Variants in SCTR observed in about 807,000 individuals in gnomAD.
SCTR encodes the protein secretin receptor.
A neutral mutation model predicts 60.8 loss-of-function variants in SCTR; 56 were observed. The observed-to-expected ratio is 0.92, with a 90% CI of 0.74 to 1.15. The LOEUF (loss-of-function observed/expected upper bound fraction) is 1.15, where lower values mean the gene tolerates loss of function less well. SCTR is among the 50% of genes most tolerant of loss of function. The pLI is 0.00. For missense variants in SCTR, 562 were observed against 550.4 expected (o/e 1.02, Z -0.21); for synonymous variants, 202 against 217.0 (o/e 0.93, Z 0.61).
chr2:119,503,547 A>G (rs750712108), intron 1 of SCTR, among the ~76,000 whole-genome samples: 6 of 152,180 alleles, frequency 3.9e-5, no homozygotes, highest in Non-Finnish European at 7.3e-5. Flanking sequence ...TCAATAAATT[A>G]CATACTATAT....
intron 11 of SCTR, among the ~76,000 whole-genome samples, chr2:119,443,615 C>T (rs553649146): frequency 3.3e-5 from 5 of 152,200 alleles, no homozygotes; most frequent in South Asian, 2.1e-4. Flanking sequence ...GGCGCGATCT[C>T]GGCTCACTGC....
Position 119,524,247 on chromosome 2 carries a change from G to A in SCTR, c.-21C>T, listed in dbSNP as rs1242385625. On this transcript the variant is annotated 5_prime_UTR_variant, in exon 1 of 13. Transcript: ENST00000019103. ...CGCATGGTGCCCGCACGTTCCCCGA[G>A]GGCGCCCCGACGTCCGCCTGCCCGT... The A allele has an allele frequency of 1.6e-5, 23 of 1,420,912 alleles. No individual in the cohort carries two copies. The highest frequency in any genetic ancestry group is 1.9e-5 in the Non-Finnish European group (21 of 1,085,864). The allele number at this position is 1,420,912 out of a possible 1,614,324, so 88.0% of individuals were successfully genotyped here.
In SCTR at chr2:119,464,116, A is replaced by G. The variant is rs750687226; in HGVS notation, c.636+7T>C. The G allele has an allele frequency of 1.3e-5, 21 of 1,613,928 alleles. No homozygotes were observed. The Admixed American group carries it at 2.0e-4, about 15-fold the overall frequency. ...TGGCGACATCCTGGGGCACCCAGAC[A>G]TATTACCCTGTGGGCATCGCAGTAG... is the stretch of plus-strand genomic sequence containing the variant. On this transcript the variant is annotated splice_region_variant and intron_variant, in intron 6 of 12. Coordinates refer to ENST00000019103, the MANE Select transcript of SCTR (RefSeq NM_002980.3).
At chr2:119,472,249 G>A (rs1677053489) in intron 4 of SCTR, among the ~76,000 whole-genome samples, 1 of 152,238 alleles carries the variant, frequency 6.6e-6, no homozygotes, top group Non-Finnish European at 1.5e-5. Context: ...AGGCTCTAAG[G>A]GAGCCCTTCC....
Position 119,513,629 on chromosome 2 carries a change from G to A in SCTR, c.72+10526C>T, listed in dbSNP as rs552304956. On this transcript the variant is annotated intron_variant, in intron 1 of 12. Transcript: ENST00000019103. ...ATTTTAAAATATTTAGACCACAAAC[G>A]TTTTGTATAACTTTTGTCTTTTCCT... 6.6e-5 allele frequency among the ~76,000 whole-genome samples: 10 copies of A among 152,244 alleles called. No homozygotes were observed. In the South Asian group the frequency reaches 8.3e-4, roughly 13 times the overall value.
chr2:119,449,109 T>A (rs1165995018), intron 9 of SCTR, among the ~76,000 whole-genome samples: 6 of 152,246 alleles, frequency 3.9e-5, no homozygotes, highest in African/African-American at 1.4e-4. Flanking sequence ...GGGGTGGACC[T>A]GAGATTCTGC....
chr2:119,446,635 C>A (rs79545338), intron 11 of SCTR, 124 bp downstream of exon 11: 1 of 955,172 alleles, frequency 1.0e-6, no homozygotes, highest in Non-Finnish European at 1.4e-6. Flanking sequence ...CAGGTCCGAC[C>A]CCTTCTTCCC....
rs1306790718 is a variant in SCTR at position 119,524,143 on chromosome 2, C to A, written c.72+12G>T. On this transcript the variant is annotated intron_variant, in intron 1 of 12. Transcript: ENST00000019103. The stretch of plus-strand genomic sequence containing the variant: ...CTCGGGTCCCCAGCCTGCAGAAGGG[C>A]GCAGTACTCACCGAGTGCGCGGCGC... 5.2e-6 allele frequency: 8 copies of A among 1,541,400 alleles called. No homozygotes were observed. The highest frequency in any genetic ancestry group is 7.0e-6 in the Non-Finnish European group (8 of 1,141,652).
Position 119,473,535 on chromosome 2 carries a change from G to C in SCTR, c.323C>G (p.Thr108Arg). Residue 108 changes from threonine (T) to arginine (R), a missense_variant, in exon 4 of 13, where the codon ACA becomes AGA. By Grantham distance (71) the Thr-to-Arg change is moderately conservative. Coordinates refer to ENST00000019103, the MANE Select transcript of SCTR (RefSeq NM_002980.3). ...SRNGSLFRNC[T>R]QDGWSETFPR... is the part of the protein sequence containing the mutation. ...GAAGGTTTCTGACCAGCCATCCTGTGTGCAGTTTCGGAACAAGGAACCTGT... is the reference window on the plus strand; with the variant it reads ...GAAGGTTTCTGACCAGCCATCCTGTCTGCAGTTTCGGAACAAGGAACCTGT... The C allele has an allele frequency of 6.2e-7, 1 of 1,613,920 alleles. No individual in the cohort carries two copies. Among genetic ancestry groups the C allele is most frequent in the Non-Finnish European group, 8.5e-7 (1 of 1,179,782 alleles).
intron 1 of SCTR, among the ~76,000 whole-genome samples, chr2:119,511,984 T>A (rs1347037547): frequency 6.6e-6 from 1 of 152,174 alleles, no homozygotes; most frequent in Non-Finnish European, 1.5e-5. Context: ...ATCTTTTGTA[T>A]ACAACTTTTT....
intron 5 of SCTR, 145 bp downstream of exon 5, chr2:119,465,644 G>T: frequency 1.6e-6 from 1 of 623,878 alleles, no homozygotes; most frequent in Non-Finnish European, 2.9e-6. Context: ...GAACCTCGAT[G>T]TTTTGCCATA....
intron 1 of SCTR, among the ~76,000 whole-genome samples, chr2:119,499,656 C>T (rs1051496760): frequency 6.6e-6 from 1 of 151,928 alleles, no homozygotes; most frequent in African/African-American, 2.4e-5. Flanking sequence ...TGTAATTTAT[C>T]GTATTAACAG....
rs759298427 is a variant in SCTR at position 119,465,852 on chromosome 2, G to A, written c.440C>T (p.Thr147Ile). The A allele has an allele frequency of 1.3e-5, 21 of 1,613,998 alleles. No individual in the cohort carries two copies. Among genetic ancestry groups the A allele is most frequent in the Non-Finnish European group, 8.5e-7 (1 of 1,179,900 alleles). The change falls in exon 5 of 13, where the codon ACC becomes ATC. Residue 147 changes from threonine to isoleucine, a missense_variant. Transcript: ENST00000019103. ...GACCAGGGAGGAGCTGTAGCCCACG[G>A]TGTACATGACTTTCAGCTTCAGCAG... ...SYLLKLKVMY[T>I]VGYSSSLVML...
Position 119,461,842 on chromosome 2 carries a change from CAT to C in SCTR, c.790+3_790+4del, listed in dbSNP as rs1371140599. The C allele has an allele frequency of 5.0e-6, 8 of 1,608,654 alleles. No homozygotes were observed. Among genetic ancestry groups the C allele is most frequent in the Non-Finnish European group, 6.8e-6 (8 of 1,177,248 alleles). On this transcript the variant is annotated splice_donor_region_variant and intron_variant, in intron 7 of 12. Coordinates refer to ENST00000019103, the MANE Select transcript of SCTR (RefSeq NM_002980.3). Reference sequence around the variant, plus strand: ...TGCAGATATCAGACCCAGGGAGAAACATACCCCATCCGAATGCCACAAATCCC... The same window carrying C: ...TGCAGATATCAGACCCAGGGAGAAACACCCCATCCGAATGCCACAAATCCC...
chr2:119,507,432 G>A (rs1013458990), intron 1 of SCTR, among the ~76,000 whole-genome samples: 5 of 152,168 alleles, frequency 3.3e-5, no homozygotes, highest in Admixed American at 2.0e-4. Context: ...TGTGTGTGTA[G>A]CCCTGCTATC....
chr2:119,517,298 T>A (rs1280977896), intron 1 of SCTR, among the ~76,000 whole-genome samples: 1 of 151,972 alleles, frequency 6.6e-6, no homozygotes, highest in Admixed American at 6.6e-5. Flanking sequence ...TAGCTGGGAC[T>A]ACAGGCACAC....
intron 7 of SCTR, among the ~76,000 whole-genome samples, chr2:119,460,813 T>A (rs1347716528): frequency 6.6e-6 from 1 of 152,164 alleles, no homozygotes; most frequent in Admixed American, 6.5e-5. Flanking sequence ...CGAATTTCCT[T>A]TAGGAAGTCA....
intron 1 of SCTR, among the ~76,000 whole-genome samples, chr2:119,513,339 A>G (rs531657973): frequency 6.6e-6 from 1 of 152,330 alleles, no homozygotes; most frequent in East Asian, 1.9e-4. Flanking sequence ...AAGTGTTTCC[A>G]GAGACAGAGC....
chr2:119,494,572 C>T (rs751468525), intron 1 of SCTR, 24 bp from the exon 2 acceptor site: 16 of 1,612,344 alleles, frequency 9.9e-6, no homozygotes, highest in Admixed American at 1.7e-5. Flanking sequence ...ACCAGGGATG[C>T]TCATCATTGC....
Sources: gnomAD v4.1 joint callset for allele counts (sites outside exome capture counted in the v4.1 genomes callset) on GRCh38, gnomAD v4.1.1 for gene constraint, MANE v1.5 for transcripts, NCBI Gene and HGNC (gene_info 2026-07-23, HGNC 2026-07-21) for gene names.